The following NKAIN1 variants were observed in gnomAD, a reference collection of about 807,000 sequenced individuals.
The protein encoded by NKAIN1 is sodium/potassium transporting ATPase interacting 1, also known as sodium/potassium-transporting ATPase subunit beta-1-interacting protein 1.
Under a neutral mutation model 31.6 loss-of-function variants are expected in NKAIN1, and 13 were observed. The ratio of observed to expected loss-of-function variants is 0.41; its 90% CI spans 0.27 to 0.65. NKAIN1 has a LOEUF of 0.65. NKAIN1 is among the 30% of genes least tolerant of loss of function. The pLI, the probability that NKAIN1 is intolerant of heterozygous loss-of-function variation, is 0.30. For missense variants in NKAIN1, 193 were observed against 262.2 expected (o/e 0.74, Z 1.82); for synonymous variants, 104 against 109.0 (o/e 0.95, Z 0.28).
intron 1 of NKAIN1, among the ~76,000 whole-genome samples, chr1:31,189,955 G>C (rs926798295): frequency 2.6e-5 from 4 of 152,170 alleles, no homozygotes; most frequent in Non-Finnish European, 5.9e-5. Flanking sequence ...TGTGTGGGAG[G>C]AAGACTGAAC....
At chr1:31,220,474 G>C (rs1393719633) in intron 1 of NKAIN1, among the ~76,000 whole-genome samples, 2 of 152,010 alleles carry the variant, frequency 1.3e-5, no homozygotes, top group African/African-American at 4.8e-5. Flanking sequence ...GCACCCAGTG[G>C]CCGGGCACGG....
At chr1:31,224,512 T>G (rs544213165) in intron 1 of NKAIN1, among the ~76,000 whole-genome samples, 1 of 152,322 alleles carries the variant, frequency 6.6e-6, no homozygotes, top group East Asian at 1.9e-4. Flanking sequence ...AAAACCATGT[T>G]GAACCACTGT....
intron 1 of NKAIN1, among the ~76,000 whole-genome samples, chr1:31,220,436 T>A (rs1357165656): frequency 6.6e-6 from 1 of 151,924 alleles, no homozygotes; most frequent in Non-Finnish European, 1.5e-5. Context: ...TACTACCGTA[T>A]CCCCAGCACC....
At chr1:31,235,989 CAGTTTAATG>C (rs928779870) in intron 1 of NKAIN1, among the ~76,000 whole-genome samples, 1 of 152,162 alleles carries the variant, frequency 6.6e-6, no homozygotes, top group African/African-American at 2.4e-5. Flanking sequence ...CAATAAGCTA[CAGTTTAATG>C]AGTACTCACT....
At position 31,232,418 on chromosome 1, in the gene NKAIN1, T is replaced by TGG. The variant is rs1557664437; in HGVS notation, c.54+7075_54+7076insCC. Reference sequence around the variant, plus strand: ...CTTCATATATATATATATATATATATATATATAGAGAGAGAGAGAGAGAGA... The same window carrying TGG: ...CTTCATATATATATATATATATATATGGATATATAGAGAGAGAGAGAGAGAGA... On this transcript the variant is annotated intron_variant, in intron 1 of 6. Coordinates refer to ENST00000373736, the MANE Select transcript of NKAIN1 (RefSeq NM_024522.3). Among the ~76,000 whole-genome samples the TGG allele has an allele frequency of 2.4e-3, 81 of 33,070 alleles. 2 individuals are homozygous for TGG. Among genetic ancestry groups the TGG allele is most frequent in the African/African-American group, 7.6e-3 (78 of 10,286 alleles). 21.7% of individuals were successfully genotyped at this position (33,070 alleles called of 152,430 possible).
chr1:31,232,113 C>T (rs1253242146), intron 1 of NKAIN1, among the ~76,000 whole-genome samples: 18 of 148,024 alleles, frequency 1.2e-4, no homozygotes, highest in South Asian at 1.1e-3. Context: ...TTTTTTGAGA[C>T]GGAGTTTCGC....
At chr1:31,211,388 C>CA (rs1179501887) in intron 1 of NKAIN1, among the ~76,000 whole-genome samples, 1 of 152,034 alleles carries the variant, frequency 6.6e-6, no homozygotes, top group Non-Finnish European at 1.5e-5. Context: ...ATAAAATTAA[C>CA]AAAACAATTT....
chr1:31,236,026 C>A (rs111384575), intron 1 of NKAIN1, among the ~76,000 whole-genome samples: 2,898 of 152,196 alleles, frequency 0.019, 94 homozygotes, highest in African/African-American at 0.065. Flanking sequence ...TGCCAGAGTG[C>A]TAAATTCATT....
intron 1 of NKAIN1, among the ~76,000 whole-genome samples, chr1:31,202,843 G>T (rs1230271189): frequency 1.3e-4 from 19 of 151,068 alleles, no homozygotes; most frequent in African/African-American, 4.6e-4. Context: ...TGGGCGTGGT[G>T]GTGTGCGCCT....
At chr1:31,235,074 A>T (rs1645684879) in intron 1 of NKAIN1, among the ~76,000 whole-genome samples, 1 of 152,198 alleles carries the variant, frequency 6.6e-6, no homozygotes, top group African/African-American at 2.4e-5. Flanking sequence ...AGCACTTTAC[A>T]TATGTATGCT....
chr1:31,205,797 A>G (rs901728549), intron 1 of NKAIN1, among the ~76,000 whole-genome samples: 5 of 150,924 alleles, frequency 3.3e-5, no homozygotes, highest in African/African-American at 1.2e-4. Flanking sequence ...TAATTTTTGC[A>G]TTTTTAGTAG....
intron 3 of NKAIN1, 137 bp from the exon 4 acceptor site, chr1:31,184,151 G>A (rs1290170470): frequency 1.4e-6 from 1 of 699,688 alleles, no homozygotes; most frequent in Non-Finnish European, 2.3e-6. Flanking sequence ...TGACCAACAG[G>A]TGGCACTTAA....
chr1:31,195,124 C>CTTTTTTTTT lies in NKAIN1; in HGVS notation c.55-6946_55-6938dup, dbSNP rs112786243. Among the ~76,000 whole-genome samples, 157 of 125,430 alleles carry CTTTTTTTTT rather than the reference C, an allele frequency of 1.3e-3. 9 individuals are homozygous for CTTTTTTTTT. In the East Asian group the frequency reaches 0.031, roughly 25 times the overall value. The allele number at this position is 125,430 out of a possible 152,430, so 82.3% of individuals were successfully genotyped here. A position where few individuals can be genotyped will look rare whatever the true frequency, so the allele number is the denominator to read the frequency against. On this transcript the variant is annotated intron_variant, in intron 1 of 6. Coordinates refer to ENST00000373736, the MANE Select transcript of NKAIN1 (RefSeq NM_024522.3). ...TCTCTTCTCTATATATTCCTTCCTC[C>CTTTTTTTTT]TTTTTTTTTTTTTTTTTGAGTCTCG...
intron 1 of NKAIN1, among the ~76,000 whole-genome samples, chr1:31,205,700 G>A (rs771147613): frequency 4.6e-5 from 6 of 131,368 alleles, no homozygotes; most frequent in South Asian, 2.6e-4. Context: ...TCGGCTCACC[G>A]CAACCTCTGC....
chr1:31,191,281 A>G (rs1645283223), intron 1 of NKAIN1, among the ~76,000 whole-genome samples: 1 of 144,928 alleles, frequency 6.9e-6, no homozygotes, highest in Admixed American at 7.0e-5. Flanking sequence ...ACAGAGCAAG[A>G]CTCTGTCTCA....
At chr1:31,185,211 G>A (rs1282697523) in intron 3 of NKAIN1, 36 bp downstream of exon 3, 1 of 1,551,520 alleles carries the variant, frequency 6.4e-7, no homozygotes, top group South Asian at 1.2e-5. Context: ...GAATGGTCAG[G>A]CTCTGCCCTA....
At chr1:31,185,488 A>T (rs1645235488) in intron 2 of NKAIN1, among the ~76,000 whole-genome samples, 161 bp from the exon 3 acceptor site, 2 of 152,198 alleles carry the variant, frequency 1.3e-5, no homozygotes, top group South Asian at 4.1e-4. Flanking sequence ...TTACACACCC[A>T]TCAGGCCTTA....
At chr1:31,201,400 C>T (rs1444554181) in intron 1 of NKAIN1, among the ~76,000 whole-genome samples, 4 of 150,772 alleles carry the variant, frequency 2.7e-5, no homozygotes, top group African/African-American at 7.3e-5. Flanking sequence ...TCTCTGTCGC[C>T]GAGGCTGGAG....
chr1:31,186,481 AAG>A (rs1313097474), intron 2 of NKAIN1, among the ~76,000 whole-genome samples: 1 of 151,022 alleles, frequency 6.6e-6, no homozygotes, highest in Non-Finnish European at 1.5e-5. Flanking sequence ...TTTAGACCAA[AAG>A]AGACAGGAGG....
Sources: gnomAD v4.1 joint callset for allele counts (sites outside exome capture counted in the v4.1 genomes callset) on GRCh38, gnomAD v4.1.1 for gene constraint, MANE v1.5 for transcripts, NCBI Gene and HGNC (gene_info 2026-07-23, HGNC 2026-07-21) for gene names.